Variants in GREM2 observed in about 807,000 individuals in gnomAD.
GREM2 encodes the protein gremlin 2, DAN family BMP antagonist.
In GREM2, 11 loss-of-function variants were observed where a neutral mutation model predicts 14.2. That is an observed-to-expected ratio of 0.78 (90% CI 0.49 to 1.28). The LOEUF (loss-of-function observed/expected upper bound fraction) is 1.28, where lower values mean the gene tolerates loss of function less well. Ranked by LOEUF, GREM2 falls within the 50% of genes most tolerant of loss-of-function variation. The probability of loss-of-function intolerance (pLI) is 0.00; values close to 1 mark genes in which losing one functional copy is unlikely to be tolerated. For missense variants in GREM2, 210 were observed against 218.5 expected, an observed-to-expected ratio of 0.96 and a Z score of 0.24; for synonymous variants, 98 against 97.6, an observed-to-expected ratio of 1.00 and a Z score of -0.02.
chr1:240,575,398 G>T (rs1572405938), intron 1 of GREM2, among the ~76,000 whole-genome samples: 1 of 152,026 alleles, frequency 6.6e-6, no homozygotes, highest in Non-Finnish European at 1.5e-5. Flanking sequence ...AGACTGGGTT[G>T]GGGGGTGGGG....
chr1:240,528,911 C>T (rs1678286893), intron 1 of GREM2, among the ~76,000 whole-genome samples: 1 of 152,224 alleles, frequency 6.6e-6, no homozygotes. Flanking sequence ...CTGTCTCCTA[C>T]ATCCCCGAGA....
Position 240,547,532 on chromosome 1 carries a change from T to TATATATAGACAGATAGATAGATAG in GREM2, c.-1-54057_-1-54056insCTATCTATCTATCTGTCTATATAT, listed in dbSNP as rs1187770486. ...AAAAAAAAATATATATATATATATA[T>TATATATAGACAGATAGATAGATAG]ATAGATAGATAGATAGATAGATAGA... is the stretch of plus-strand genomic sequence containing the variant. On this transcript the variant is annotated intron_variant, in intron 1 of 1. Coordinates refer to ENST00000318160, the MANE Select transcript of GREM2 (RefSeq NM_022469.4). Among the ~76,000 whole-genome samples, 243 of 121,840 alleles carry TATATATAGACAGATAGATAGATAG rather than the reference T, an allele frequency of 2.0e-3. 2 individuals carry two copies. Among genetic ancestry groups the TATATATAGACAGATAGATAGATAG allele is most frequent in the African/African-American group, 8.2e-3 (221 of 27,050 alleles). 79.9% of individuals were successfully genotyped at this position (121,840 alleles called of 152,430 possible). A position where few individuals can be genotyped will look rare whatever the true frequency, so the allele number is the denominator to read the frequency against.
intron 1 of GREM2, among the ~76,000 whole-genome samples, chr1:240,608,422 A>C (rs1465912036): frequency 6.6e-6 from 1 of 152,236 alleles, no homozygotes; most frequent in African/African-American, 2.4e-5. Flanking sequence ...CGTAGCTACC[A>C]TAATTAGAAA....
chr1:240,582,574 T>C (rs1679506545), intron 1 of GREM2, among the ~76,000 whole-genome samples: 1 of 152,012 alleles, frequency 6.6e-6, no homozygotes, highest in Non-Finnish European at 1.5e-5. Context: ...GACAGGTGGA[T>C]CACCGGAGGT....
At chr1:240,512,399 C>T (rs984098767) in intron 1 of GREM2, among the ~76,000 whole-genome samples, 9 of 84,104 alleles carry the variant, frequency 1.1e-4, no homozygotes, top group East Asian at 8.3e-4. Context: ...AACTCAGCAC[C>T]GGGCTAGTAG....
chr1:240,538,037 G>A lies in GREM2; in HGVS notation c.-1-44561C>T, dbSNP rs142285679. On this transcript the variant is annotated intron_variant, in intron 1 of 1. Coordinates refer to ENST00000318160, the MANE Select transcript of GREM2 (RefSeq NM_022469.4). Reference sequence around the variant, plus strand: ...TAAAACTAAAGAAACACTGAAGCTCGTTAAATTTCATGTTTGAAACAATAG... The same window carrying A: ...TAAAACTAAAGAAACACTGAAGCTCATTAAATTTCATGTTTGAAACAATAG... Among the ~76,000 whole-genome samples the A allele has an allele frequency of 1.1e-3, 162 of 152,252 alleles. 1 individual carries two copies. The highest frequency in any genetic ancestry group is 1.6e-3 in the African/African-American group (67 of 41,560).
intron 1 of GREM2, among the ~76,000 whole-genome samples, chr1:240,593,855 A>G (rs1010425553): frequency 6.6e-6 from 1 of 151,888 alleles, no homozygotes; most frequent in African/African-American, 2.4e-5. Flanking sequence ...TTGCTCTGCA[A>G]TGGCCTACCT....
chr1:240,527,390 TATTA>T (rs1223296210), intron 1 of GREM2, among the ~76,000 whole-genome samples: 1 of 152,202 alleles, frequency 6.6e-6, no homozygotes, highest in East Asian at 1.9e-4. Flanking sequence ...AGTAGATTAG[TATTA>T]ATTTTAGTGT....
At chr1:240,584,112 A>G (rs749425092) in intron 1 of GREM2, among the ~76,000 whole-genome samples, 7 of 152,180 alleles carry the variant, frequency 4.6e-5, no homozygotes, top group Non-Finnish European at 8.8e-5. Flanking sequence ...TTGGAGAAAA[A>G]AAAAGAAAGC....
rs768206154 is a variant in GREM2, at chr1:240,543,388, C to A, written c.-1-49912G>T. Among the ~76,000 whole-genome samples the A allele has an allele frequency of 2.6e-5, 4 of 152,164 alleles. No homozygotes were observed. Among genetic ancestry groups the A allele is most frequent in the Non-Finnish European group, 5.9e-5 (4 of 68,042 alleles). Reference sequence around the variant, plus strand: ...ATCAAGGCAGAAGACAAATGAGGAGCAAAATCACGTCTTACATGGTGGTAA... The same window carrying A: ...ATCAAGGCAGAAGACAAATGAGGAGAAAAATCACGTCTTACATGGTGGTAA... On this transcript the variant is annotated intron_variant, in intron 1 of 1. Transcript: ENST00000318160. This position sits in a 1 kb window ranked among gnomAD's most constrained non-coding sequence, Gnocchi z 6.4.
At chr1:240,595,880 C>G (rs1571949511) in intron 1 of GREM2, among the ~76,000 whole-genome samples, 1 of 152,236 alleles carries the variant, frequency 6.6e-6, no homozygotes, top group East Asian at 1.9e-4. Context: ...TAGAGGCAGA[C>G]AGAAAAAGGG....
chr1:240,563,837 A>G (rs1256026168), intron 1 of GREM2, among the ~76,000 whole-genome samples: 2 of 152,164 alleles, frequency 1.3e-5, no homozygotes, highest in Admixed American at 6.6e-5. Flanking sequence ...CATGTACCCA[A>G]TGGCCTTTGA....
chr1:240,575,668 G>A (rs559174263), intron 1 of GREM2, among the ~76,000 whole-genome samples: 4 of 151,938 alleles, frequency 2.6e-5, no homozygotes, highest in East Asian at 1.9e-4. Flanking sequence ...TTACAGGCGC[G>A]CACCACCACG....
rs187642211 is a variant in GREM2 at position 240,490,713 on chromosome 1, C to T, written c.*2256G>A. The T allele has an allele frequency of 1.3e-5, 2 of 152,230 alleles. No individual in the cohort carries two copies. Among genetic ancestry groups the T allele is most frequent in the African/African-American group, 4.8e-5 (2 of 41,448 alleles). 9.4% of individuals were successfully genotyped at this position (152,230 alleles called of 1,614,324 possible). Reference sequence around the variant, plus strand: ...TCATTGCTACACCCACAATTGGGTTCGAAGAGAGTGTGCTCGTGTTTGCAT... The same window carrying T: ...TCATTGCTACACCCACAATTGGGTTTGAAGAGAGTGTGCTCGTGTTTGCAT... On this transcript the variant is annotated 3_prime_UTR_variant, in exon 2 of 2. Transcript: ENST00000318160.
At chr1:240,588,485 T>C (rs1353485435) in intron 1 of GREM2, 2 of 152,258 alleles carry the variant, frequency 1.3e-5, no homozygotes, top group African/African-American at 4.8e-5. Flanking sequence ...CATCATATGG[T>C]GGCAACTCTT....
rs1265457019 is a variant in GREM2 at position 240,542,516 on chromosome 1, G to A, written c.-1-49040C>T. On this transcript the variant is annotated intron_variant, in intron 1 of 1. Coordinates refer to ENST00000318160, the MANE Select transcript of GREM2 (RefSeq NM_022469.4). This position sits in a 1 kb window ranked among gnomAD's most constrained non-coding sequence, Gnocchi z 4.1. ...TGTAGTCCCAGCTACTCGGGAGGCT[G>A]AGGCAGGAGAATCGCTTGAACCCAG... Among the ~76,000 whole-genome samples the A allele has an allele frequency of 6.6e-6, 1 of 151,804 alleles. No individual in the cohort carries two copies. The highest frequency in any genetic ancestry group is 6.6e-5 in the Admixed American group (1 of 15,228).
At chr1:240,526,828 T>A (rs1341924476) in intron 1 of GREM2, among the ~76,000 whole-genome samples, 2 of 152,242 alleles carry the variant, frequency 1.3e-5, no homozygotes, top group Non-Finnish European at 2.9e-5. Flanking sequence ...AATTTGGATG[T>A]CGCCAGGTTA....
intron 1 of GREM2, among the ~76,000 whole-genome samples, chr1:240,533,572 AC>A (rs5782152): frequency 0.49 from 73,935 of 151,578 alleles, 18,484 homozygotes; most frequent in Non-Finnish European, 0.55. Flanking sequence ...CACAACTGGG[AC>A]AAGGGGAGTA....
intron 1 of GREM2, among the ~76,000 whole-genome samples, chr1:240,534,317 C>T (rs1678427188): frequency 6.6e-6 from 1 of 152,140 alleles, no homozygotes; most frequent in South Asian, 2.1e-4. Flanking sequence ...ATGTGCTACT[C>T]AATAGATTGG....
Sources: gnomAD v4.1 joint callset for allele counts (sites outside exome capture counted in the v4.1 genomes callset) on GRCh38, gnomAD v4.1.1 for gene constraint, Gnocchi (gnomAD v3.1) non-coding constraint, MANE v1.5 for transcripts, NCBI Gene and HGNC (gene_info 2026-07-23, HGNC 2026-07-21) for gene names.